Variants in MYRIP observed in about 807,000 individuals in gnomAD.
The protein encoded by MYRIP is myosin VIIA and Rab interacting protein.
A neutral mutation model predicts 98.0 loss-of-function variants in MYRIP; 49 were observed. The observed-to-expected ratio is 0.50, with a 90% CI of 0.40 to 0.63. The LOEUF (loss-of-function observed/expected upper bound fraction) is 0.63, where lower values mean the gene tolerates loss of function less well. MYRIP is among the 30% of genes least tolerant of loss of function. The pLI, the probability that MYRIP is intolerant of heterozygous loss-of-function variation, is 0.00. For missense variants in MYRIP, 1,004 were observed against 1,058.2 expected (o/e 0.95, Z 0.71); for synonymous variants, 404 against 409.5 (o/e 0.99, Z 0.16).
At chr3:40,200,078 T>C (rs931380647) in intron 10 of MYRIP, among the ~76,000 whole-genome samples, 1 of 104,468 alleles carries the variant, frequency 9.6e-6, no homozygotes, top group African/African-American at 2.9e-5. Flanking sequence ...GCAGAGAACA[T>C]GTCTAGAAAA....
chr3:40,151,419 G>A (rs1950117239), intron 4 of MYRIP, among the ~76,000 whole-genome samples: 1 of 152,230 alleles, frequency 6.6e-6, no homozygotes, highest in African/African-American at 2.4e-5. Flanking sequence ...AAGCTATGAA[G>A]ACCAAGTACT....
chr3:40,074,219 T>C (rs371753052), intron 3 of MYRIP, among the ~76,000 whole-genome samples: 14 of 151,370 alleles, frequency 9.2e-5, no homozygotes, highest in African/African-American at 3.1e-4. Context: ...GGACTACAGG[T>C]GCCCACAACC....
At chr3:40,216,710 T>A (rs560366573) in intron 11 of MYRIP, among the ~76,000 whole-genome samples, 1 of 152,160 alleles carries the variant, frequency 6.6e-6, no homozygotes, top group Non-Finnish European at 1.5e-5. Flanking sequence ...ACATATTCCA[T>A]TGGGGGGAAA....
intron 2 of MYRIP, among the ~76,000 whole-genome samples, chr3:39,947,961 G>A (rs1944937387): frequency 6.6e-6 from 1 of 152,116 alleles, no homozygotes. Context: ...CTCAAAGATT[G>A]TTATTTCACT....
chr3:39,882,943 T>G (rs1387256675), intron 1 of MYRIP, among the ~76,000 whole-genome samples: 3 of 151,846 alleles, frequency 2.0e-5, no homozygotes, highest in Non-Finnish European at 4.4e-5. Context: ...TGAGGACATC[T>G]ATAAAAGCTG....
intron 3 of MYRIP, among the ~76,000 whole-genome samples, chr3:40,087,757 A>C (rs1262312701): frequency 6.6e-6 from 1 of 152,236 alleles, no homozygotes; most frequent in African/African-American, 2.4e-5. Context: ...ATCCAGAACG[A>C]GTCTGCTTCA....
chr3:39,984,220 T>C (rs1945970926), intron 2 of MYRIP, among the ~76,000 whole-genome samples: 1 of 151,564 alleles, frequency 6.6e-6, no homozygotes. Context: ...TTATTTTATT[T>C]TATTTTATTT....
chr3:40,161,204 C>G (rs1183681680), intron 4 of MYRIP, among the ~76,000 whole-genome samples: 1 of 152,186 alleles, frequency 6.6e-6, no homozygotes, highest in Non-Finnish European at 1.5e-5. Flanking sequence ...CTTTCCAGAA[C>G]AATTCAGTCC....
intron 3 of MYRIP, among the ~76,000 whole-genome samples, chr3:40,062,174 C>T (rs979673113): frequency 1.3e-5 from 2 of 152,136 alleles, no homozygotes; most frequent in East Asian, 1.9e-4. Context: ...TTTGCCTGTT[C>T]CTGTGTCCAG....
At chr3:40,151,356 G>A (rs1950115096) in intron 4 of MYRIP, among the ~76,000 whole-genome samples, 172 bp downstream of exon 4, 1 of 152,226 alleles carries the variant, frequency 6.6e-6, no homozygotes. Flanking sequence ...ATTCTGCTAA[G>A]TTGTGACTCT....
chr3:40,040,994 G>GAAAAAAAAAAAAAAAAAAAA (rs1322717456), intron 2 of MYRIP, among the ~76,000 whole-genome samples: 1 of 8,246 alleles, frequency 1.2e-4, no homozygotes, highest in South Asian at 5.7e-3. Flanking sequence ...AAAAAAAAAA[G>GAAAAAAAAAAAAAAAAAAAA]AAAAAAAAAA....
chr3:40,135,651 C>T (rs1175356494), intron 3 of MYRIP, among the ~76,000 whole-genome samples: 2 of 152,186 alleles, frequency 1.3e-5, no homozygotes, highest in African/African-American at 2.4e-5. Context: ...GGGTTACCCA[C>T]AAAGGGAAGC....
intron 5 of MYRIP, among the ~76,000 whole-genome samples, chr3:40,165,370 C>A (rs964998626): frequency 1.2e-4 from 19 of 152,236 alleles, no homozygotes; most frequent in African/African-American, 4.1e-4. Flanking sequence ...TCCTTAAGAG[C>A]CTAAGAAGCT....
Position 39,966,689 on chromosome 3 carries a change from G to A in MYRIP, c.110+65763G>A, listed in dbSNP as rs575856841. ...AAAGCATAAAGAGAATGCCGAGGAC[G>A]GAGAGTTGCCCTCATAGGTGCCGTG... On this transcript the variant is annotated intron_variant, in intron 2 of 16. Transcript: ENST00000302541. Among the ~76,000 whole-genome samples, 10 of 152,220 alleles carry A rather than the reference G, an allele frequency of 6.6e-5. No individual in the cohort carries two copies. The East Asian group carries it at 1.4e-3, about 21-fold the overall frequency.
intron 2 of MYRIP, among the ~76,000 whole-genome samples, chr3:40,027,449 T>C (rs1418081615): frequency 6.6e-6 from 1 of 152,052 alleles, no homozygotes; most frequent in Non-Finnish European, 1.5e-5. Context: ...TACTAAGCTC[T>C]TTTTCTTTGC....
intron 4 of MYRIP, among the ~76,000 whole-genome samples, chr3:40,155,568 C>T (rs972453825): frequency 2.5e-4 from 38 of 151,898 alleles, no homozygotes; most frequent in Non-Finnish European, 4.4e-4. Flanking sequence ...AATTGCCACA[C>T]TGACTTCCAC....
At chr3:39,954,781 G>C (rs1349781981) in intron 2 of MYRIP, among the ~76,000 whole-genome samples, 1 of 152,062 alleles carries the variant, frequency 6.6e-6, no homozygotes, top group African/African-American at 2.4e-5. Context: ...CTTGAAAAAA[G>C]ATTAGACAAA....
rs941184575 is a variant in MYRIP at position 39,915,515 on chromosome 3, C to G, written c.110+14589C>G. On this transcript the variant is annotated intron_variant, in intron 2 of 16. Transcript: ENST00000302541. ...AATAAAAAATTATTTTCATGGTGAG[C>G]TTCTGGGAGACAAAAATTTAAAGAC... Among the ~76,000 whole-genome samples, 4 of 152,044 alleles carry G rather than the reference C, an allele frequency of 2.6e-5. No homozygotes were observed. In the East Asian group the frequency reaches 7.7e-4, roughly 29 times the overall value.
At chr3:39,814,668 C>T (rs1386032088) in intron 1 of MYRIP, among the ~76,000 whole-genome samples, 1 of 152,170 alleles carries the variant, frequency 6.6e-6, no homozygotes, top group Non-Finnish European at 1.5e-5. Flanking sequence ...GATTCCTGAG[C>T]TAATACCATT....
Sources: allele counts gnomAD v4.1 joint callset (sites outside exome capture counted in the v4.1 genomes callset), GRCh38; gene constraint gnomAD v4.1.1; transcripts MANE v1.5; gene names NCBI Gene and HGNC (gene_info 2026-07-23, HGNC 2026-07-21).